The following PAFAH2 variants were observed in gnomAD, a reference collection of about 807,000 sequenced individuals.
PAFAH2 encodes the protein platelet-activating factor acetylhydrolase 2, cytoplasmic.
A neutral mutation model predicts 49.0 loss-of-function variants in PAFAH2; 42 were observed. The ratio of observed to expected loss-of-function variants is 0.86; its 90% CI spans 0.67 to 1.11. The LOEUF is 1.11. Among genes scored for constraint, PAFAH2 ranks in the 50% least tolerant of loss-of-function variants. The pLI is 0.00. For synonymous variants in PAFAH2, 184 were observed against 181.3 expected, an observed-to-expected ratio of 1.01 and a Z score of -0.12; for missense variants, 503 against 501.8, an observed-to-expected ratio of 1.00 and a Z score of -0.02.
rs1572349526 is a variant in PAFAH2 at position 25,976,681 on chromosome 1, C to T, written c.758+1G>A. On this transcript the variant is annotated splice_donor_variant, in intron 8 of 10. Coordinates refer to ENST00000374282, the MANE Select transcript of PAFAH2 (RefSeq NM_000437.4). LOFTEE classifies it high-confidence loss of function. ...CACAGCAACACTACTAGGAAACTCA[C>T]CGAAATTGGGTCTCCTTGGCCAAAG... The T allele has an allele frequency of 1.9e-6, 3 of 1,612,268 alleles. No individual in the cohort carries two copies. The highest frequency in any genetic ancestry group is 1.7e-6 in the Non-Finnish European group (2 of 1,178,282).
rs2049531028 is a variant in PAFAH2 at position 25,972,841 on chromosome 1, G to A, written c.930-129C>T. The stretch of plus-strand genomic sequence containing the variant: ...TTTATTTTCACAGCAACCTTGTAAG[G>A]GAAGTATTTTCCCCCTTGACAGAAT... On this transcript the variant is annotated intron_variant, in intron 9 of 10. Transcript: ENST00000374282. 4 of 922,356 alleles carry A rather than the reference G, an allele frequency of 4.3e-6. No individual in the cohort carries two copies. The African/African-American group carries it at 5.0e-5, about 11-fold the overall frequency. The allele number at this position is 922,356 out of a possible 1,614,324, so 57.1% of individuals were successfully genotyped here. A position where few individuals can be genotyped will look rare whatever the true frequency, so the allele number is the denominator to read the frequency against.
In PAFAH2 at chr1:25,962,026, A is replaced by C. The variant is rs201672869; in HGVS notation, c.1142T>G (p.Leu381Arg). ...NNLIEGIGPSLTPGAPHHLSS... is the reference protein window; with the variant it reads ...NNLIEGIGPSRTPGAPHHLSS... Reference sequence around the variant, plus strand: ...CAGATGGTGGGGGGCCCCTGGGGTGAGCGACGGTCCAATGCCTTCAATAAG... The same window carrying C: ...CAGATGGTGGGGGGCCCCTGGGGTGCGCGACGGTCCAATGCCTTCAATAAG... The change falls in exon 11 of 11, where the codon CTC becomes CGC. Residue 381 changes from leucine (L) to arginine (R), a missense_variant. Coordinates refer to ENST00000374282, the MANE Select transcript of PAFAH2 (RefSeq NM_000437.4). The C allele has an allele frequency of 3.1e-6, 5 of 1,614,076 alleles. No individual in the cohort carries two copies. The highest frequency in any genetic ancestry group is 4.2e-6 in the Non-Finnish European group (5 of 1,180,006).
At chr1:25,981,487 AC>A (rs1325791808) in intron 7 of PAFAH2, among the ~76,000 whole-genome samples, 1 of 152,080 alleles carries the variant, frequency 6.6e-6, no homozygotes, top group Non-Finnish European at 1.5e-5. Context: ...CAAAGGAAGG[AC>A]TGAGCCTGCA....
chr1:25,997,754 G>C (rs1164204431), intron 1 of PAFAH2: 1 of 153,044 alleles, frequency 6.5e-6, no homozygotes, highest in Non-Finnish European at 1.5e-5. Flanking sequence ...TCAGGGTAGG[G>C]CTGTGGGGTC....
chr1:25,989,876 A>T (rs2049848682), intron 2 of PAFAH2, among the ~76,000 whole-genome samples: 1 of 152,196 alleles, frequency 6.6e-6, no homozygotes, highest in African/African-American at 2.4e-5. Flanking sequence ...AGTGCTTGGG[A>T]CAATGAAAGA....
chr1:25,990,400 A>C (rs1248445967), intron 2 of PAFAH2, among the ~76,000 whole-genome samples: 1 of 152,188 alleles, frequency 6.6e-6, no homozygotes, highest in Non-Finnish European at 1.5e-5. Context: ...ACACACTCAG[A>C]TTATGATACG....
intron 6 of PAFAH2, among the ~76,000 whole-genome samples, chr1:25,982,775 G>A (rs1025956252): frequency 1.1e-4 from 17 of 152,184 alleles, no homozygotes; most frequent in Admixed American, 1.0e-3. Flanking sequence ...AAGGAATTAA[G>A]AGTGCTGTTA....
rs2049704316 is a variant in PAFAH2 at position 25,982,423 on chromosome 1, T to C, written c.607A>G (p.Thr203Ala). The stretch of plus-strand genomic sequence containing the variant: ...ATGTTGAAGACAGTCTGCCCAGCAG[T>C]GACCTCTTGCAGGATCTTCAACACC... Reference protein sequence around the residue: ...LRVLKILQEVTAGQTVFNILP... With the variant: ...LRVLKILQEVAAGQTVFNILP... The change falls in exon 7 of 11, where the codon ACT becomes GCT. Residue 203 changes from threonine (T) to alanine (A), a missense_variant. Transcript: ENST00000374282. 2 of 1,614,150 alleles carry C rather than the reference T, an allele frequency of 1.2e-6. No individual in the cohort carries two copies. Among genetic ancestry groups the C allele is most frequent in the Non-Finnish European group, 1.7e-6 (2 of 1,180,018 alleles).
At chr1:25,962,836 A>G (rs2049359411) in intron 10 of PAFAH2, among the ~76,000 whole-genome samples, 1 of 151,390 alleles carries the variant, frequency 6.6e-6, no homozygotes, top group Non-Finnish European at 1.5e-5. Context: ...AAAAAAAAAA[A>G]GGCTGAGAAA....
chr1:25,988,569 C>T (rs1464852637), intron 3 of PAFAH2, among the ~76,000 whole-genome samples: 1 of 152,006 alleles, frequency 6.6e-6, no homozygotes, highest in African/African-American at 2.4e-5. Flanking sequence ...ATTCCCAGCA[C>T]TTTGGCAGGC....
chr1:25,981,334 T>C (rs2049684811), intron 7 of PAFAH2, among the ~76,000 whole-genome samples: 1 of 138,416 alleles, frequency 7.2e-6, no homozygotes, highest in Non-Finnish European at 1.5e-5. Flanking sequence ...CTTGGTTCTC[T>C]GAATACAGCC....
chr1:25,988,459 C>A (rs2049819843), intron 3 of PAFAH2, 132 bp from the exon 4 acceptor site: 12 of 647,826 alleles, frequency 1.9e-5, no homozygotes, highest in Admixed American at 3.1e-5. Context: ...CTGAGCAGCT[C>A]AGGGCAGTTA....
At chr1:25,985,913 T>C (rs1315512760) in intron 4 of PAFAH2, among the ~76,000 whole-genome samples, 2 of 152,322 alleles carry the variant, frequency 1.3e-5, no homozygotes. Context: ...ACAGAGCAGG[T>C]GCTCCACAGA....
rs2049842275 is a variant in PAFAH2 at position 25,989,515 on chromosome 1, G to A, written c.177C>T (p.Cys59=). ...QPLWIPRYEY[C]TGLAEYLQFN... is the part of the protein sequence containing the mutation. ...ACTGCAGGTACTCGGCCAGGCCAGT[G>A]CAGTACTCATAGCGGGGAATCCACA... is the stretch of plus-strand genomic sequence containing the variant. The change falls in exon 3 of 11, where the codon TGC becomes TGT. Residue 59 remains cysteine (C), a synonymous_variant. Transcript: ENST00000374282. The A allele has an allele frequency of 1.9e-6, 3 of 1,613,058 alleles. No homozygotes were observed. The highest frequency in any genetic ancestry group is 2.5e-6 in the Non-Finnish European group (3 of 1,179,492).
intron 10 of PAFAH2, among the ~76,000 whole-genome samples, chr1:25,962,299 C>T (rs569586557): frequency 6.6e-5 from 10 of 152,124 alleles, no homozygotes; most frequent in African/African-American, 1.4e-4. Flanking sequence ...AATTCAATAA[C>T]GATAATAATA....
At chr1:25,987,731 A>T (rs11356747) in intron 4 of PAFAH2, among the ~76,000 whole-genome samples, 1 of 133,328 alleles carries the variant, frequency 7.5e-6, no homozygotes, top group African/African-American at 2.6e-5. Flanking sequence ...AAAAAAAAAA[A>T]TTTAAAAATA....
intron 8 of PAFAH2, among the ~76,000 whole-genome samples, chr1:25,976,378 C>T (rs1044424718): frequency 6.6e-6 from 1 of 152,130 alleles, no homozygotes; most frequent in Non-Finnish European, 1.5e-5. Flanking sequence ...CTCCTGGCTT[C>T]AAGCAATCCT....
At chr1:25,989,339 T>C in intron 3 of PAFAH2, 109 bp downstream of exon 3, 1 of 1,048,244 alleles carries the variant, frequency 9.5e-7, no homozygotes, top group Non-Finnish European at 1.3e-6. Flanking sequence ...GGATGCCCCT[T>C]ACAAAAGCCT....
chr1:25,972,428 T>C, intron 10 of PAFAH2, 130 bp downstream of exon 10: 1 of 1,009,272 alleles, frequency 9.9e-7, no homozygotes, highest in Non-Finnish European at 1.5e-6. Flanking sequence ...TGTAAGTCTC[T>C]CCTTCACTCA....
Sources: allele counts gnomAD v4.1 joint callset (sites outside exome capture counted in the v4.1 genomes callset), GRCh38; gene constraint gnomAD v4.1.1; transcripts MANE v1.5; gene names NCBI Gene and HGNC (gene_info 2026-07-23, HGNC 2026-07-21).